Variants in SCARB1 observed in about 807,000 individuals in gnomAD.
SCARB1 encodes scavenger receptor class B member 1.
In SCARB1, 30 loss-of-function variants were observed where a neutral mutation model predicts 57.2. The ratio of observed to expected loss-of-function variants is 0.52; its 90% CI spans 0.39 to 0.71. The LOEUF is 0.71. Among genes scored for constraint, SCARB1 ranks in the 30% least tolerant of loss-of-function variants. SCARB1 has a pLI of 0.00. For missense variants in SCARB1, 543 were observed against 671.2 expected (o/e 0.81, Z 2.11); for synonymous variants, 249 against 268.3 (o/e 0.93, Z 0.70).
At chr12:124,794,092 G>C (rs369516887) in intron 9 of SCARB1, among the ~76,000 whole-genome samples, 1 of 152,196 alleles carries the variant, frequency 6.6e-6, no homozygotes, top group Non-Finnish European at 1.5e-5. Flanking sequence ...GCCCAGAATA[G>C]GTAAGTCCGC....
chr12:124,832,494 T>TGTCCA (rs1951443027), intron 1 of SCARB1, among the ~76,000 whole-genome samples: 1 of 149,234 alleles, frequency 6.7e-6, no homozygotes, highest in African/African-American at 2.5e-5. Context: ...CACTCCAGCC[T>TGTCCA]GGGCGACAGA....
At chr12:124,853,264 G>T (rs1286518317) in intron 1 of SCARB1, among the ~76,000 whole-genome samples, 1 of 152,214 alleles carries the variant, frequency 6.6e-6, no homozygotes, top group African/African-American at 2.4e-5. Context: ...GGCCTGTGAG[G>T]TTGCAGTGGG....
chr12:124,778,404 ATGTG>A lies in SCARB1; in HGVS notation c.*179_*182del. The A allele has an allele frequency of 7.9e-7, 1 of 1,258,266 alleles. No homozygotes were observed. 77.9% of individuals were successfully genotyped at this position (1,258,266 alleles called of 1,614,324 possible). On this transcript the variant is annotated 3_prime_UTR_variant, in exon 13 of 13. Transcript: ENST00000261693. ...TGAGTGTCTGCACAAGCCTGCACGC[ATGTG>A]TGTATGTGTGCCAGGGCGTGTGTGC...
At chr12:124,832,445 G>C (rs978829198) in intron 1 of SCARB1, among the ~76,000 whole-genome samples, 5 of 152,062 alleles carry the variant, frequency 3.3e-5, no homozygotes, top group African/African-American at 1.2e-4. Flanking sequence ...ACTTGAACCT[G>C]GAAGGCAGAG....
chr12:124,823,211 G>A (rs556629840), intron 1 of SCARB1, among the ~76,000 whole-genome samples: 1 of 152,292 alleles, frequency 6.6e-6, no homozygotes, highest in East Asian at 1.9e-4. Context: ...AAAATGTATG[G>A]TGTTATTCCC....
intron 1 of SCARB1, among the ~76,000 whole-genome samples, chr12:124,858,084 C>A (rs545699177): frequency 6.6e-6 from 1 of 152,180 alleles, no homozygotes; most frequent in African/African-American, 2.4e-5. Context: ...AGGCTCAGAT[C>A]CAGGGAATGG....
chr12:124,843,273 C>A (rs1229735273), intron 1 of SCARB1, among the ~76,000 whole-genome samples: 2 of 133,776 alleles, frequency 1.5e-5, no homozygotes, highest in African/African-American at 5.7e-5. Context: ...GTTTTTGTTT[C>A]TTACTTTCTG....
rs1015356398 is a variant in SCARB1, at chr12:124,777,579, G to GC, written c.*1007dup. Reference sequence around the variant, plus strand: ...AAGAGGAGCCCGGAACTTCCCAGAGGCCCCCACCCCCACGACCTCAGCAAA... The same window carrying GC: ...AAGAGGAGCCCGGAACTTCCCAGAGGCCCCCCACCCCCACGACCTCAGCAAA... On this transcript the variant is annotated 3_prime_UTR_variant, in exon 13 of 13. Transcript: ENST00000261693. 6.6e-5 allele frequency: 10 copies of GC among 152,188 alleles called. No individual in the cohort carries two copies. Among genetic ancestry groups the GC allele is most frequent in the African/African-American group, 2.4e-4 (10 of 41,412 alleles). 9.4% of individuals were successfully genotyped at this position (152,188 alleles called of 1,614,324 possible).
chr12:124,821,540 C>A (rs1186358336), intron 1 of SCARB1: 1 of 985,382 alleles, frequency 1.0e-6, no homozygotes, highest in South Asian at 4.7e-5. Context: ...TCAGCCCATT[C>A]ATTCAGCACT....
intron 6 of SCARB1, among the ~76,000 whole-genome samples, chr12:124,809,074 G>A (rs1950427965): frequency 6.6e-6 from 1 of 152,112 alleles, no homozygotes; most frequent in Non-Finnish European, 1.5e-5. Flanking sequence ...ACAGCATTAT[G>A]GTTATGTAAG....
At position 124,817,675 on chromosome 12, in the gene SCARB1, G is replaced by T; in HGVS notation, c.159C>A (p.Phe53Leu). 6.2e-7 allele frequency: 1 copy of T among 1,614,210 alleles called. No individual in the cohort carries two copies. Among genetic ancestry groups the T allele is most frequent in the Non-Finnish European group, 8.5e-7 (1 of 1,180,022 alleles). Residue 53 changes from phenylalanine to leucine, a missense_variant, in exon 2 of 13, where the codon TTC becomes TTA. Transcript: ENST00000261693. The surrounding 1 kb of genome is among the most constrained non-coding windows in gnomAD (Gnocchi z 4.8). ...NVRIDPSSLS[F>L]NMWKEIPIPF... is the part of the protein sequence containing the mutation. ...GGATAGGGATCTCCTTCCACATGTT[G>T]AAGGACAGGCTACTGGGGTCGATGC... is the stretch of plus-strand genomic sequence containing the variant.
chr12:124,778,977 GTC>G (rs377719871), intron 12 of SCARB1, among the ~76,000 whole-genome samples: 1 of 152,136 alleles, frequency 6.6e-6, no homozygotes, highest in Non-Finnish European at 1.5e-5. Context: ...TTTAGAGACG[GTC>G]TCTCTCTGTC....
intron 7 of SCARB1, among the ~76,000 whole-genome samples, chr12:124,805,586 G>T (rs532771844): frequency 7.0e-4 from 107 of 152,202 alleles, no homozygotes; most frequent in Non-Finnish European, 1.1e-3. Flanking sequence ...TTCGAGATGG[G>T]TCTTCCTCTG....
At chr12:124,842,855 G>A (rs1951958380) in intron 1 of SCARB1, among the ~76,000 whole-genome samples, 1 of 152,234 alleles carries the variant, frequency 6.6e-6, no homozygotes, top group Admixed American at 6.5e-5. Context: ...GATGGGTTCT[G>A]TGCGGGAACA....
chr12:124,817,366 A>C lies in SCARB1; in HGVS notation c.284+184T>G, dbSNP rs1323752528. ...AGATCCCATCTCTAAAAAAAAAAAA[A>C]AAAAAAAAAAAAACCCTAAAACAAA... On this transcript the variant is annotated intron_variant, in intron 2 of 12. Transcript: ENST00000261693. The surrounding 1 kb of genome is among the most constrained non-coding windows in gnomAD (Gnocchi z 4.8). Among the ~76,000 whole-genome samples, 4 of 150,890 alleles carry C rather than the reference A, an allele frequency of 2.7e-5. No individual in the cohort carries two copies. Among genetic ancestry groups the C allele is most frequent in the Non-Finnish European group, 5.9e-5 (4 of 67,734 alleles).
Position 124,801,988 on chromosome 12 carries a change from T to C in SCARB1, c.1010-1746A>G, listed in dbSNP as rs148938387. Among the ~76,000 whole-genome samples, 592 of 150,976 alleles carry C rather than the reference T, an allele frequency of 3.9e-3. 8 individuals carry two copies. Among genetic ancestry groups the C allele is most frequent in the African/African-American group, 0.013 (549 of 41,086 alleles). On this transcript the variant is annotated intron_variant, in intron 7 of 12. Transcript: ENST00000261693. ...CGATATGGAGAAACCCCGTCTCTAC[T>C]AAAAATACAAAATTAGCCGGGCCTG...
In SCARB1 at chr12:124,822,507, G is replaced by A. The variant is rs11057830; in HGVS notation, c.127-4800C>T. On this transcript the variant is annotated intron_variant, in intron 1 of 12. Transcript: ENST00000261693. This position sits in a 1 kb window ranked among gnomAD's most constrained non-coding sequence, Gnocchi z 5.0. ...CAGACCAGTGGCTGCCGGGGACCGG[G>A]ATGGAGGGAGGGGACTAACGTGAAC... 0.15 allele frequency among the ~76,000 whole-genome samples: 23,015 copies of A among 152,238 alleles called. 1,806 individuals carry two copies. The highest frequency in any genetic ancestry group is 0.24 in the Middle Eastern group (70 of 292).
At chr12:124,808,039 C>T (rs751071196) in intron 6 of SCARB1, 112 bp from the exon 7 acceptor site, 3 of 1,081,480 alleles carry the variant, frequency 2.8e-6, no homozygotes, top group African/African-American at 1.6e-5. Flanking sequence ...CTACCACCTC[C>T]CGGGTCCAAA....
Position 124,782,676 on chromosome 12 carries a change from T to TA in SCARB1, c.*6dup. 2 of 1,613,864 alleles carry TA rather than the reference T, an allele frequency of 1.2e-6. No individual in the cohort carries two copies. Among genetic ancestry groups the TA allele is most frequent in the Non-Finnish European group, 1.7e-6 (2 of 1,179,880 alleles). ...CGGGGAGGCGCACGGCATTACCTGGTACCCACCTACAGTTTTGCTTCCTGC... is the reference window on the plus strand; with the variant it reads ...CGGGGAGGCGCACGGCATTACCTGGTAACCCACCTACAGTTTTGCTTCCTGC... On this transcript the variant is annotated splice_region_variant and intron_variant, in intron 12 of 12. Transcript: ENST00000261693.
Sources: allele counts gnomAD v4.1 joint callset (sites outside exome capture counted in the v4.1 genomes callset), GRCh38; gene constraint gnomAD v4.1.1; non-coding constraint Gnocchi (gnomAD v3.1); transcripts MANE v1.5; gene names NCBI Gene and HGNC (gene_info 2026-07-23, HGNC 2026-07-21).